Variants in PSMC1 observed in about 807,000 individuals in gnomAD.
The protein encoded by PSMC1 is proteasome 26S subunit, ATPase 1.
In PSMC1, 5 loss-of-function variants were observed where a neutral mutation model predicts 49.8. The ratio of observed to expected loss-of-function variants is 0.10; its 90% CI spans 0.05 to 0.21. The LOEUF (loss-of-function observed/expected upper bound fraction) is 0.21. Ranked by LOEUF, PSMC1 falls within the 10% of genes least tolerant of loss-of-function variation. The pLI, the probability that PSMC1 is intolerant of heterozygous loss-of-function variation, is 1.00. For synonymous variants in PSMC1, 155 were observed against 192.1 expected (o/e 0.81, Z 1.60); for missense variants, 181 against 535.7 (o/e 0.34, Z 6.54).
chr14:90,257,198 G>A (rs1269890654), intron 1 of PSMC1, among the ~76,000 whole-genome samples: 1 of 120,182 alleles, frequency 8.3e-6, no homozygotes, highest in African/African-American at 2.8e-5. Flanking sequence ...TATTTACTGA[G>A]CACTTGGTGT....
chr14:90,260,310 G>T, intron 3 of PSMC1, 99 bp downstream of exon 3: 1 of 787,072 alleles, frequency 1.3e-6, no homozygotes, highest in South Asian at 1.8e-5. Context: ...GGAAGTAGAG[G>T]GGCAACTGAA....
At chr14:90,264,227 A>C (rs970401909) in intron 6 of PSMC1, 58 bp downstream of exon 6, 19 of 1,599,512 alleles carry the variant, frequency 1.2e-5, no homozygotes, top group Non-Finnish European at 1.5e-5. Context: ...TGTCCCATTT[A>C]GGATACTTTG....
intron 1 of PSMC1, among the ~76,000 whole-genome samples, chr14:90,258,145 A>C (rs932767935): frequency 6.6e-6 from 1 of 152,172 alleles, no homozygotes; most frequent in East Asian, 1.9e-4. Context: ...CATCTCTGAC[A>C]AGCTTTGTGA....
chr14:90,259,994 C>A, intron 2 of PSMC1, 121 bp from the exon 3 acceptor site: 1 of 566,818 alleles, frequency 1.8e-6, no homozygotes, highest in Non-Finnish European at 3.0e-6. Flanking sequence ...TTTTTAATAA[C>A]ATCCTAAAAG....
intron 2 of PSMC1, 47 bp from the exon 3 acceptor site, chr14:90,260,066 AAT>A (rs767606438): frequency 5.3e-6 from 6 of 1,129,882 alleles, no homozygotes; most frequent in African/African-American, 1.6e-5. Context: ...TGTGTGTTTT[AAT>A]ATGATTTTCA....
intron 10 of PSMC1, chr14:90,271,640 T>C (rs189611659): frequency 1.3e-5 from 2 of 152,320 alleles, no homozygotes; most frequent in East Asian, 1.9e-4. Context: ...ATTTTGTTTA[T>C]TTCCTAGGAA....
In PSMC1 at chr14:90,274,101, G is replaced by A. The variant is rs1050580734; in HGVS notation, c.*1694G>A. ...CTACCACAGAGGACATCCACACGTG[G>A]GGGTGGCCCAGTGCAGGGTAAGGAC... On this transcript the variant is annotated 3_prime_UTR_variant, in exon 11 of 11. Transcript: ENST00000261303. 1 of 155,036 alleles carries A rather than the reference G, an allele frequency of 6.5e-6. No individual in the cohort carries two copies. Among genetic ancestry groups the A allele is most frequent in the Non-Finnish European group, 1.5e-5 (1 of 68,380 alleles). The allele number at this position is 155,036 out of a possible 1,614,324, so 9.6% of individuals were successfully genotyped here. A position where few individuals can be genotyped will look rare whatever the true frequency, so the allele number is the denominator to read the frequency against.
At chr14:90,267,571 C>T (rs1891550449) in intron 7 of PSMC1, 2 of 152,318 alleles carry the variant, frequency 1.3e-5, no homozygotes, top group African/African-American at 4.8e-5. Flanking sequence ...CTTGGAAGGG[C>T]ATGCCACAGC....
At position 90,269,403 on chromosome 14, in the gene PSMC1, C is replaced by T. The variant is rs1439850045; in HGVS notation, c.888C>T (p.Asp296=). The change falls in exon 9 of 11, where the codon GAC becomes GAT. Residue 296 remains aspartate, a synonymous_variant. Transcript: ENST00000261303. ...EIDAIGTKRY[D]SNSGGEREIQ... ...CCTTTTTTTTTTTCCAAAGATATGA[C>T]TCCAATTCTGGTGGTGAGAGAGAAA... 2 of 1,601,190 alleles carry T rather than the reference C, an allele frequency of 1.2e-6. No individual in the cohort carries two copies. Among genetic ancestry groups the T allele is most frequent in the East Asian group, 4.5e-5 (2 of 44,690 alleles).
chr14:90,268,464 G>C, intron 8 of PSMC1, 51 bp downstream of exon 8: 1 of 1,564,910 alleles, frequency 6.4e-7, no homozygotes, highest in East Asian at 2.2e-5. Flanking sequence ...ACACCGCATA[G>C]CTCTTCTCTT....
intron 1 of PSMC1, among the ~76,000 whole-genome samples, chr14:90,257,920 G>GT (rs1891327116): frequency 6.6e-6 from 1 of 152,238 alleles, no homozygotes; most frequent in African/African-American, 2.4e-5. Flanking sequence ...TTTCTGGGTA[G>GT]TATTCTAAGC....
chr14:90,264,560 C>A (rs1891467099), intron 6 of PSMC1, among the ~76,000 whole-genome samples: 1 of 152,208 alleles, frequency 6.6e-6, no homozygotes, highest in Non-Finnish European at 1.5e-5. Context: ...GTGCCTTCAG[C>A]AGCCCTGGGG....
chr14:90,267,053 C>G (rs1386300836), intron 7 of PSMC1, among the ~76,000 whole-genome samples: 1 of 152,176 alleles, frequency 6.6e-6, no homozygotes, highest in Non-Finnish European at 1.5e-5. Flanking sequence ...AAGGTCCTCA[C>G]TGACCACCAA....
At chr14:90,262,562 A>G (rs2139644524) in intron 3 of PSMC1, among the ~76,000 whole-genome samples, 1 of 152,320 alleles carries the variant, frequency 6.6e-6, no homozygotes, top group South Asian at 2.1e-4. Flanking sequence ...AGGCAGGTGG[A>G]TCACGAGGTC....
At chr14:90,257,806 G>A (rs1891325008) in intron 1 of PSMC1, among the ~76,000 whole-genome samples, 1 of 152,104 alleles carries the variant, frequency 6.6e-6, no homozygotes, top group Admixed American at 6.5e-5. Context: ...TGGCCAGGCT[G>A]GTCCTGAACT....
At position 90,269,493 on chromosome 14, in the gene PSMC1, A is replaced by G. The variant is rs781426242; in HGVS notation, c.978A>G (p.Lys326=). 1 of 1,613,970 alleles carries G rather than the reference A, an allele frequency of 6.2e-7. No individual in the cohort carries two copies. Among genetic ancestry groups the G allele is most frequent in the Non-Finnish European group, 8.5e-7 (1 of 1,179,972 alleles). The change falls in exon 9 of 11, where the codon AAA becomes AAG. Residue 326 remains lysine, a synonymous_variant. Coordinates refer to ENST00000261303, the MANE Select transcript of PSMC1 (RefSeq NM_002802.3). ...GATTTGATTCTAGGGGAGATGTGAA[A>G]GTTATCATGGCCACAAACCGAATAG... ...LDGFDSRGDV[K]VIMATNRIET...
intron 10 of PSMC1, chr14:90,270,858 G>A (rs1288587859): frequency 2.0e-5 from 3 of 152,298 alleles, no homozygotes; most frequent in African/African-American, 7.2e-5. Flanking sequence ...GTTGAATATG[G>A]GTTCTACCTG....
At chr14:90,259,494 G>T (rs189455683) in intron 2 of PSMC1, among the ~76,000 whole-genome samples, 37 of 152,296 alleles carry the variant, frequency 2.4e-4, no homozygotes, top group African/African-American at 8.9e-4. Context: ...GTGTCTAATA[G>T]CCTGAGGTAT....
intron 3 of PSMC1, 145 bp from the exon 4 acceptor site, chr14:90,263,173 G>T: frequency 1.3e-6 from 1 of 747,796 alleles, no homozygotes; most frequent in Non-Finnish European, 2.1e-6. Context: ...TTTCCATTTT[G>T]GCACCGGTTT....
Sources: allele counts gnomAD v4.1 joint callset (sites outside exome capture counted in the v4.1 genomes callset), GRCh38; gene constraint gnomAD v4.1.1; transcripts MANE v1.5; gene names NCBI Gene and HGNC (gene_info 2026-07-23, HGNC 2026-07-21).